The following DLGAP2 variants were observed in gnomAD, a reference collection of about 807,000 sequenced individuals.
DLGAP2 encodes disks large-associated protein 2.
In DLGAP2, 26 loss-of-function variants were observed where a neutral mutation model predicts 100.3. That is an observed-to-expected ratio of 0.26 (90% CI 0.19 to 0.36). DLGAP2 has a LOEUF of 0.36. DLGAP2 is among the 10% of genes least tolerant of loss of function. The pLI is 1.00. For synonymous variants in DLGAP2, 886 were observed against 630.1 expected (o/e 1.41, Z -6.08); for missense variants, 1,858 against 1,453.2 (o/e 1.28, Z -4.53).
At chr8:903,499 C>T (rs537588334) in intron 1 of DLGAP2, among the ~76,000 whole-genome samples, 4 of 151,858 alleles carry the variant, frequency 2.6e-5, no homozygotes, top group African/African-American at 9.7e-5. Context: ...TAACGACGGT[C>T]ACCATCTCAG....
intron 1 of DLGAP2, among the ~76,000 whole-genome samples, chr8:878,739 T>C (rs1472897390): frequency 6.6e-6 from 1 of 152,190 alleles, no homozygotes; most frequent in African/African-American, 2.4e-5. Context: ...AGGTGGATTT[T>C]ATAAAGTGAG....
intron 2 of DLGAP2, among the ~76,000 whole-genome samples, chr8:1,081,472 C>T (rs573466728): frequency 7.2e-5 from 11 of 152,300 alleles, no homozygotes; most frequent in Non-Finnish European, 1.6e-4. Flanking sequence ...CTGCCTCAGC[C>T]TCCCTAGTAG....
intron 2 of DLGAP2, among the ~76,000 whole-genome samples, chr8:917,644 G>C (rs1051212862): frequency 1.2e-4 from 18 of 152,090 alleles, no homozygotes; most frequent in Admixed American, 9.8e-4. Context: ...GCAGTGGTGC[G>C]ATCTCAGCTC....
At chr8:1,308,312 A>G (rs1800538545) in intron 3 of DLGAP2, among the ~76,000 whole-genome samples, 1 of 152,206 alleles carries the variant, frequency 6.6e-6, no homozygotes, top group African/African-American at 2.4e-5. Context: ...GTGACTGCAC[A>G]CGGCAAATAA....
chr8:1,118,653 A>C (rs779545944), intron 2 of DLGAP2, among the ~76,000 whole-genome samples: 1 of 152,180 alleles, frequency 6.6e-6, no homozygotes, highest in Non-Finnish European at 1.5e-5. Flanking sequence ...TACTGAGGGC[A>C]TTTTGTCAGT....
chr8:1,286,775 C>T (rs1345047615), intron 3 of DLGAP2, among the ~76,000 whole-genome samples: 2 of 152,242 alleles, frequency 1.3e-5, no homozygotes, highest in Admixed American at 6.5e-5. Context: ...TACTGAACTA[C>T]TTCCCCAGTG....
At chr8:1,350,458 C>T (rs1269395074) in intron 3 of DLGAP2, among the ~76,000 whole-genome samples, 1 of 84,820 alleles carries the variant, frequency 1.2e-5, no homozygotes, top group Middle Eastern at 0.01. Flanking sequence ...AAAGGCCGTG[C>T]GGGTCCTGAC....
At chr8:1,659,430 T>C (rs2130822502) in intron 8 of DLGAP2, among the ~76,000 whole-genome samples, 1 of 152,312 alleles carries the variant, frequency 6.6e-6, no homozygotes, top group African/African-American at 2.4e-5. Context: ...CTGTCTAATA[T>C]TGACAGTGGG....
chr8:879,831 C>G (rs920512052), intron 1 of DLGAP2, among the ~76,000 whole-genome samples: 1 of 152,180 alleles, frequency 6.6e-6, no homozygotes, highest in Non-Finnish European at 1.5e-5. Context: ...ACAACAGCCT[C>G]CACTTTATGT....
intron 6 of DLGAP2, among the ~76,000 whole-genome samples, chr8:1,585,775 A>G (rs1335690836): frequency 6.6e-6 from 1 of 152,208 alleles, no homozygotes; most frequent in East Asian, 1.9e-4. Context: ...CATTCATTAA[A>G]TCAGTTATTA....
intron 4 of DLGAP2, among the ~76,000 whole-genome samples, chr8:1,519,250 C>T (rs543363820): frequency 2.0e-5 from 3 of 152,116 alleles, no homozygotes; most frequent in Non-Finnish European, 4.4e-5. Flanking sequence ...CTTTACGCAG[C>T]GGCATGTCCC....
intron 2 of DLGAP2, chr8:1,248,640 TC>T (rs1225106787): frequency 6.6e-6 from 1 of 151,614 alleles, no homozygotes; most frequent in Non-Finnish European, 1.5e-5. Context: ...ACCTTTGAGA[TC>T]AGTGTGGGAG....
chr8:856,190 T>C (rs1321910977), intron 1 of DLGAP2, among the ~76,000 whole-genome samples: 8 of 127,448 alleles, frequency 6.3e-5, no homozygotes, highest in African/African-American at 1.4e-4. Context: ...TTCTTCTTTT[T>C]TTTTTTTTTT....
chr8:1,142,424 C>T (rs571313468), intron 2 of DLGAP2, among the ~76,000 whole-genome samples: 1 of 152,290 alleles, frequency 6.6e-6, no homozygotes, highest in Non-Finnish European at 1.5e-5. Flanking sequence ...AAGCTAGATG[C>T]AGTGTTCGCA....
At chr8:1,691,403 C>A (rs192273802) in intron 12 of DLGAP2, 132 bp from the exon 13 acceptor site, 1 of 718,706 alleles carries the variant, frequency 1.4e-6, no homozygotes, top group Non-Finnish European at 2.3e-6. Context: ...CCAGCGAACA[C>A]GCTCGGCACG....
At chr8:768,945 T>C (rs1821287285) in intron 1 of DLGAP2, among the ~76,000 whole-genome samples, 1 of 152,102 alleles carries the variant, frequency 6.6e-6, no homozygotes, top group Non-Finnish European at 1.5e-5. Context: ...GGTCTGAACC[T>C]TGGGCGTCCG....
At chr8:878,456 G>A (rs1028008824) in intron 1 of DLGAP2, among the ~76,000 whole-genome samples, 1 of 152,196 alleles carries the variant, frequency 6.6e-6, no homozygotes, top group Non-Finnish European at 1.5e-5. Context: ...AGTAGAGGTT[G>A]TGGGGACTGC....
intron 2 of DLGAP2, among the ~76,000 whole-genome samples, chr8:1,076,414 T>C (rs1803612263): frequency 6.6e-6 from 1 of 152,080 alleles, no homozygotes; most frequent in Admixed American, 6.6e-5. Flanking sequence ...AGACGTACGG[T>C]ATTTTGCGGA....
chr8:1,258,445 G>C (rs557009723), intron 2 of DLGAP2, among the ~76,000 whole-genome samples: 25 of 144,284 alleles, frequency 1.7e-4, no homozygotes, highest in African/African-American at 6.2e-4. Context: ...GGGTGGGGGG[G>C]AAGAGGGGAG....
Sources: gnomAD v4.1 joint callset for allele counts (sites outside exome capture counted in the v4.1 genomes callset) on GRCh38, gnomAD v4.1.1 for gene constraint, MANE v1.5 for transcripts, NCBI Gene and HGNC (gene_info 2026-07-23, HGNC 2026-07-21) for gene names.